Variants in MGAT5 observed in about 807,000 individuals in gnomAD.
The protein encoded by MGAT5 is alpha-1,6-mannosylglycoprotein 6-beta-N-acetylglucosaminyltransferase A.
A neutral mutation model predicts 94.3 loss-of-function variants in MGAT5; 30 were observed. The ratio of observed to expected loss-of-function variants is 0.32; its 90% CI spans 0.24 to 0.43. The LOEUF is 0.43. Among genes scored for constraint, MGAT5 ranks in the 20% least tolerant of loss-of-function variants. The probability of loss-of-function intolerance (pLI) is 1.00; values close to 1 mark genes in which losing one functional copy is unlikely to be tolerated. For synonymous variants in MGAT5, 310 were observed against 322.9 expected (o/e 0.96, Z 0.43); for missense variants, 691 against 905.5 (o/e 0.76, Z 3.04).
At chr2:134,317,411 G>C in intron 2 of MGAT5, 118 bp from the exon 3 acceptor site, 1 of 589,544 alleles carries the variant, frequency 1.7e-6, no homozygotes, top group East Asian at 3.5e-5. Context: ...ATCAGAGCAT[G>C]GCTGCCAACA....
chr2:134,183,383 G>T (rs74965979), intron 1 of MGAT5, among the ~76,000 whole-genome samples: 1 of 152,168 alleles, frequency 6.6e-6, no homozygotes, highest in South Asian at 2.1e-4. Flanking sequence ...ATGGATTGAC[G>T]CAATCAAGTT....
chr2:134,331,759 T>G (rs999241746), intron 4 of MGAT5, among the ~76,000 whole-genome samples: 1 of 151,574 alleles, frequency 6.6e-6, no homozygotes, highest in African/African-American at 2.4e-5. Flanking sequence ...TGTAGGACGC[T>G]AGGGCTCTGA....
At chr2:134,182,134 A>T (rs1688762523) in intron 1 of MGAT5, among the ~76,000 whole-genome samples, 1 of 152,050 alleles carries the variant, frequency 6.6e-6, no homozygotes, top group South Asian at 2.1e-4. Context: ...ATAACTTTAA[A>T]ATTGACACTC....
At position 134,454,123 on chromosome 2, in the gene MGAT5, G is replaced by A. The variant is rs990113855; in HGVS notation, c.*5276G>A. On this transcript the variant is annotated 3_prime_UTR_variant, in exon 16 of 16. Transcript: ENST00000281923. ...TCCCTCAATGCCACCCTGACCCCAC[G>A]GCTGGAGAACCCTGTGCTTATGTGG... 1.3e-5 allele frequency: 2 copies of A among 152,168 alleles called. No homozygotes were observed. The highest frequency in any genetic ancestry group is 6.5e-5 in the Admixed American group (1 of 15,286). The allele number at this position is 152,168 out of a possible 1,614,324, so 9.4% of individuals were successfully genotyped here.
At chr2:134,162,611 G>A (rs902890087) in intron 1 of MGAT5, among the ~76,000 whole-genome samples, 2 of 152,178 alleles carry the variant, frequency 1.3e-5, no homozygotes, top group African/African-American at 2.4e-5. Flanking sequence ...CCCACAGTTA[G>A]GATCTGAACA....
chr2:134,403,700 A>G (rs1683184946), intron 11 of MGAT5, among the ~76,000 whole-genome samples: 1 of 152,228 alleles, frequency 6.6e-6, no homozygotes, highest in African/African-American at 2.4e-5. Flanking sequence ...TGGGCCAGAC[A>G]GGAGTTAGAG....
intron 11 of MGAT5, among the ~76,000 whole-genome samples, chr2:134,410,468 G>A (rs1002950804): frequency 2.0e-5 from 3 of 152,194 alleles, no homozygotes; most frequent in Non-Finnish European, 2.9e-5. Context: ...AAATTATGTT[G>A]TATTTGCTTA....
chr2:134,370,575 T>C (rs1467597535), intron 10 of MGAT5, among the ~76,000 whole-genome samples: 1 of 152,270 alleles, frequency 6.6e-6, no homozygotes, highest in Non-Finnish European at 1.5e-5. Flanking sequence ...CCCTTGGAGA[T>C]GGCGCTTGCC....
chr2:134,127,166 C>T (rs116613504), intron 1 of MGAT5: 3 of 154,666 alleles, frequency 1.9e-5, no homozygotes, highest in African/African-American at 4.8e-5. Context: ...TCCCTCTATT[C>T]CCTTCCCCCC....
chr2:134,343,039 T>C (rs1055422744), intron 7 of MGAT5, among the ~76,000 whole-genome samples: 1 of 152,090 alleles, frequency 6.6e-6, no homozygotes, highest in Non-Finnish European at 1.5e-5. Flanking sequence ...AAGTAATGAG[T>C]ACTCACATAA....
At chr2:134,259,365 T>G (rs1683178789) in intron 1 of MGAT5, among the ~76,000 whole-genome samples, 1 of 152,212 alleles carries the variant, frequency 6.6e-6, no homozygotes, top group Non-Finnish European at 1.5e-5. Context: ...GATCTCTGTC[T>G]CCAGCAGCCT....
intron 1 of MGAT5, among the ~76,000 whole-genome samples, chr2:134,183,002 G>A (rs1688822519): frequency 6.6e-6 from 1 of 152,028 alleles, no homozygotes; most frequent in African/African-American, 2.4e-5. Flanking sequence ...GTGTTAGCCA[G>A]GATGGTCTCG....
chr2:134,207,516 A>G (rs1680072012), intron 1 of MGAT5, among the ~76,000 whole-genome samples: 4 of 151,880 alleles, frequency 2.6e-5, no homozygotes, highest in Admixed American at 2.0e-4. Flanking sequence ...ATGTTTGAGC[A>G]TTCAGATTGG....
intron 9 of MGAT5, among the ~76,000 whole-genome samples, chr2:134,359,630 C>T (rs976502464): frequency 5.3e-5 from 8 of 152,132 alleles, no homozygotes; most frequent in African/African-American, 1.9e-4. Context: ...TTTGATTTAC[C>T]TTAAAATGTA....
intron 8 of MGAT5, among the ~76,000 whole-genome samples, chr2:134,349,473 C>A (rs1021646337): frequency 1.3e-5 from 2 of 152,168 alleles, no homozygotes; most frequent in Admixed American, 6.5e-5. Context: ...TCAGCTCTGG[C>A]TAGGTGCTGG....
intron 1 of MGAT5, among the ~76,000 whole-genome samples, chr2:134,233,454 C>T (rs1681472952): frequency 6.6e-6 from 1 of 152,278 alleles, no homozygotes; most frequent in South Asian, 2.1e-4. Flanking sequence ...TTATCAGTTA[C>T]AGTAACATTT....
chr2:134,183,665 G>A (rs959553588), intron 1 of MGAT5, among the ~76,000 whole-genome samples: 1 of 152,166 alleles, frequency 6.6e-6, no homozygotes, highest in Admixed American at 6.5e-5. Context: ...TCAGTTTGAA[G>A]GCCCTTTGTA....
rs765565797 is a variant in MGAT5, at chr2:134,428,402, G to T, written c.1832G>T (p.Gly611Val). 1.3e-5 allele frequency: 21 copies of T among 1,614,092 alleles called. No homozygotes were observed. The highest frequency in any genetic ancestry group is 1.8e-5 in the Non-Finnish European group (21 of 1,180,010). ...PYMPYEFTCE[G>V]MLQRINAFIE... is the part of the protein sequence containing the mutation. Reference sequence around the variant, plus strand: ...ATGCCATATGAATTTACGTGCGAGGGGATGCTACAGAGAATCAATGCTTTC... The same window carrying T: ...ATGCCATATGAATTTACGTGCGAGGTGATGCTACAGAGAATCAATGCTTTC... The change falls in exon 14 of 16, where the codon GGG becomes GTG. Residue 611 changes from glycine to valine, a missense_variant. Physicochemically the swap from Gly to Val is moderately radical, Grantham distance 109. Around this residue, in one of 4 missense-constraint regions of MGAT5, gnomAD observed 260 missense variants for 347.0 expected, o/e 0.75. Transcript: ENST00000281923.
chr2:134,424,030 A>G (rs891063141), intron 13 of MGAT5, among the ~76,000 whole-genome samples: 11 of 152,234 alleles, frequency 7.2e-5, no homozygotes, highest in Non-Finnish European at 1.0e-4. Context: ...TTCAGTGCCA[A>G]AGCAACATGC....
Sources: gnomAD v4.1 joint callset for allele counts (sites outside exome capture counted in the v4.1 genomes callset) on GRCh38, gnomAD v4.1.1 for gene constraint, gnomAD v4.1.1 regional missense constraint, MANE v1.5 for transcripts, NCBI Gene and HGNC (gene_info 2026-07-23, HGNC 2026-07-21) for gene names.